LIPA: variants seen among roughly 807,000 people sequenced by gnomAD.
The protein encoded by LIPA is lysosomal acid lipase/cholesteryl ester hydrolase.
In LIPA, 26 loss-of-function variants were observed where a neutral mutation model predicts 40.6. The observed-to-expected ratio is 0.64, with a 90% CI of 0.47 to 0.89. The LOEUF is 0.89. Ranked by LOEUF, LIPA falls within the 40% of genes least tolerant of loss-of-function variation. LIPA has a pLI of 0.00. For missense variants in LIPA, 455 were observed against 479.6 expected, an observed-to-expected ratio of 0.95 and a Z score of 0.48; for synonymous variants, 188 against 168.4, an observed-to-expected ratio of 1.12 and a Z score of -0.90.
chr10:89,270,748 T>C (rs1310540104), intron 1 of LIPA, among the ~76,000 whole-genome samples: 1 of 152,234 alleles, frequency 6.6e-6, no homozygotes, highest in African/African-American at 2.4e-5. Context: ...ACTCATGTTA[T>C]ACGACCCAAC....
intron 3 of LIPA, among the ~76,000 whole-genome samples, chr10:89,231,544 G>C (rs906769538): frequency 6.6e-6 from 1 of 151,808 alleles, no homozygotes; most frequent in African/African-American, 2.4e-5. Flanking sequence ...TGGCATGACT[G>C]CTCACTGCAG....
chr10:89,261,561 A>G (rs1843208041), intron 1 of LIPA, among the ~76,000 whole-genome samples: 1 of 152,186 alleles, frequency 6.6e-6, no homozygotes, highest in Non-Finnish European at 1.5e-5. Flanking sequence ...GAGCTCACAT[A>G]AAAATATATA....
chr10:89,378,057 G>A (rs1844135166), intron 2 of LIPA: 4 of 1,516,392 alleles, frequency 2.6e-6, no homozygotes, highest in East Asian at 2.3e-5. Context: ...AGAAGCCCTA[G>A]AACTCTGTGG....
chr10:89,294,659 T>G (rs1380470861), intron 1 of LIPA, among the ~76,000 whole-genome samples: 1 of 152,310 alleles, frequency 6.6e-6, no homozygotes, highest in East Asian at 1.9e-4. Context: ...TGGTGTTTAA[T>G]TAATTTTTGA....
intron 3 of LIPA, among the ~76,000 whole-genome samples, chr10:89,245,043 G>C (rs1364031514): frequency 6.6e-6 from 1 of 152,150 alleles, no homozygotes; most frequent in African/African-American, 2.4e-5. Context: ...TAATGATACA[G>C]TCATATAGTG....
At chr10:89,233,458 G>GT (rs1842866805) in intron 3 of LIPA, among the ~76,000 whole-genome samples, 2 of 152,232 alleles carry the variant, frequency 1.3e-5, no homozygotes, top group Non-Finnish European at 2.9e-5. Flanking sequence ...GAAATCTGCT[G>GT]TATCTTAAGC....
At chr10:89,236,098 G>A (rs1001616245) in intron 3 of LIPA, among the ~76,000 whole-genome samples, 84 of 152,180 alleles carry the variant, frequency 5.5e-4, no homozygotes, top group African/African-American at 1.8e-3. Context: ...TGTCATGAAT[G>A]CATAAAATAT....
chr10:89,229,818 C>G (rs1276491935), intron 3 of LIPA, among the ~76,000 whole-genome samples: 1 of 151,506 alleles, frequency 6.6e-6, no homozygotes, highest in African/African-American at 2.4e-5. Flanking sequence ...GGTTCATCAG[C>G]TGTAACAATT....
At chr10:89,367,685 TC>T (rs1301686017) in intron 2 of LIPA, among the ~76,000 whole-genome samples, 1 of 152,196 alleles carries the variant, frequency 6.6e-6, no homozygotes, top group Admixed American at 6.5e-5. Context: ...AAAGCTGGTT[TC>T]CCTAGTAACC....
At chr10:89,392,466 T>TTC (rs1844266224) in intron 2 of LIPA, 31 of 287,668 alleles carry the variant, frequency 1.1e-4, no homozygotes, top group South Asian at 7.1e-4. Flanking sequence ...AAAGTTTCAT[T>TTC]CCCCACCCCC....
At chr10:89,338,952 C>G in intron 1 of LIPA, 1 of 1,614,174 alleles carries the variant, frequency 6.2e-7, no homozygotes, top group Non-Finnish European at 8.5e-7. Flanking sequence ...CTTGGGGAAA[C>G]TACGCCTGGG....
intron 3 of LIPA, among the ~76,000 whole-genome samples, chr10:89,241,907 G>A (rs1270192437): frequency 2.0e-5 from 3 of 152,142 alleles, no homozygotes; most frequent in Non-Finnish European, 4.4e-5. Flanking sequence ...TGAATCTGTA[G>A]TCAGACAGGT....
chr10:89,282,344 A>G (rs1372427677), intron 1 of LIPA, among the ~76,000 whole-genome samples: 2 of 152,202 alleles, frequency 1.3e-5, no homozygotes, highest in Non-Finnish European at 2.9e-5. Context: ...GCAAATGAAA[A>G]CAGATACTTT....
chr10:89,402,003 C>T (rs1187255699), intron 2 of LIPA, among the ~76,000 whole-genome samples: 1 of 152,132 alleles, frequency 6.6e-6, no homozygotes, highest in East Asian at 1.9e-4. Flanking sequence ...TTAATCCTCA[C>T]CAAACCCAGT....
At position 89,328,023 on chromosome 10, in the gene LIPA, A is replaced by C. The variant is rs1218441106; in HGVS notation, c.-2+14588T>G. 1.9e-6 allele frequency: 3 copies of C among 1,612,134 alleles called. No homozygotes were observed. The African/African-American group carries it at 4.0e-5, about 22-fold the overall frequency. ...CAGACAGGAAGACTTCTGAAGAACA[A>C]ATCAGCCTGGTCACCAGCTTTTCGG... On this transcript the variant is annotated intron_variant, in intron 1 of 5. Coordinates refer to the LIPA transcript ENST00000282673.
intron 1 of LIPA, among the ~76,000 whole-genome samples, chr10:89,274,772 G>A (rs1843281920): frequency 6.6e-6 from 1 of 152,096 alleles, no homozygotes; most frequent in Admixed American, 6.6e-5. Context: ...GTGTCTGATG[G>A]GTGGGAGGTG....
chr10:89,378,200 T>G, intron 2 of LIPA: 3 of 1,590,668 alleles, frequency 1.9e-6, no homozygotes, highest in Non-Finnish European at 2.6e-6. Context: ...TCTAAAACTT[T>G]CCTTAAGGGC....
intron 1 of LIPA, among the ~76,000 whole-genome samples, chr10:89,337,533 A>G (rs1464235768): frequency 6.6e-6 from 1 of 152,096 alleles, no homozygotes; most frequent in Non-Finnish European, 1.5e-5. Flanking sequence ...CCGAATGGCG[A>G]GGACTACAGG....
intron 2 of LIPA, among the ~76,000 whole-genome samples, chr10:89,357,574 T>C (rs939039236): frequency 2.6e-5 from 4 of 152,236 alleles, no homozygotes; most frequent in African/African-American, 9.6e-5. Context: ...GTAAAAGTCA[T>C]TGCATTTGTG....
Sources: gnomAD v4.1 joint callset for allele counts (sites outside exome capture counted in the v4.1 genomes callset) on GRCh38, gnomAD v4.1.1 for gene constraint, MANE v1.5 for transcripts, NCBI Gene and HGNC (gene_info 2026-07-23, HGNC 2026-07-21) for gene names.